Variants in DDX3X observed in about 807,000 individuals in gnomAD.
The protein encoded by DDX3X is DEAD-box helicase 3 X-linked, also known as ATP-dependent RNA helicase DDX3X.
Under a neutral mutation model 52.7 loss-of-function variants are expected in DDX3X, and 4 were observed. The observed-to-expected ratio is 0.08, with a 90% CI of 0.04 to 0.17. The LOEUF is 0.17. DDX3X is among the 10% of genes least tolerant of loss of function. The pLI is 1.00. For missense variants in DDX3X, 222 were observed against 548.6 expected, an observed-to-expected ratio of 0.40 and a Z score of 5.95; for synonymous variants, 192 against 178.1, an observed-to-expected ratio of 1.08 and a Z score of -0.62.
At chrX:41,355,764 A>T (rs1007492626) in intron 5 of DDX3X, among the ~76,000 whole-genome samples, 7 of 108,058 alleles carry the variant, frequency 6.5e-5, no homozygotes, top group Non-Finnish European at 1.3e-4. Context: ...GATTACAGGC[A>T]TGAGCCACCA....
At position 41,334,189 on chromosome X, in the gene DDX3X, C is replaced by T. The variant is rs1176481765; in HGVS notation, c.-64C>T. ...AGCCGCAGTTCTCCCGTGAGAGGGC[C>T]TTCGCGGTGGAACAAACACTCGCTT... On this transcript the variant is annotated 5_prime_UTR_variant, in exon 1 of 17. Coordinates refer to ENST00000644876, the MANE Select transcript of DDX3X (RefSeq NM_001356.5). 13 of 1,119,596 alleles carry T rather than the reference C, an allele frequency of 1.2e-5. No homozygotes were observed. Among genetic ancestry groups the T allele is most frequent in the African/African-American group, 9.0e-5 (5 of 55,767 alleles). 92.3% of individuals were successfully genotyped at this position (1,119,596 alleles called of 1,213,427 possible).
chrX:41,347,063 C>G lies in DDX3X; in HGVS notation c.1769+51C>G, dbSNP rs375120296. On this transcript the variant is annotated intron_variant, in intron 15 of 16. Transcript: ENST00000644876. ...GGGGAATGGGTGTTCACTTACAGTT[C>G]ATAGTGTTTCCTCTGCATGCATAAC... 15 of 1,116,751 alleles carry G rather than the reference C, an allele frequency of 1.3e-5. No homozygotes were observed. The African/African-American group carries it at 2.4e-4, about 18-fold the overall frequency. 92.0% of individuals were successfully genotyped at this position (1,116,751 alleles called of 1,213,427 possible).
chrX:41,354,604 A>G (rs772871128), downstream of DDX3X, among the ~76,000 whole-genome samples: 3 of 109,581 alleles, frequency 2.7e-5, no homozygotes, highest in Admixed American at 9.9e-5. Context: ...GATTACATGC[A>G]TGAGCCACAG....
chrX:41,337,678 T>C (rs2063791554), intron 2 of DDX3X: 1 of 339,447 alleles, frequency 2.9e-6, no homozygotes, highest in African/African-American at 2.7e-5. Context: ...GGAGCTTTGC[T>C]CTTGTTGCCC....
chrX:41,338,272 A>G (rs747539226), intron 2 of DDX3X: 1 of 111,082 alleles, frequency 9.0e-6, no homozygotes, highest in Non-Finnish European at 1.9e-5. Context: ...TTTTTAGGCA[A>G]GAACAGCTTC....
At chrX:41,339,951 CTG>C (rs2063826092) in intron 3 of DDX3X, 1 of 85,360 alleles carries the variant, frequency 1.2e-5, no homozygotes, top group Non-Finnish European at 2.1e-5. Flanking sequence ...CCTTGCTCTG[CTG>C]CGGAGGCTGG....
chrX:41,357,558 T>TA (rs983079642), intron 5 of DDX3X, among the ~76,000 whole-genome samples: 3 of 110,939 alleles, frequency 2.7e-5, no homozygotes, highest in African/African-American at 9.9e-5. Flanking sequence ...GCCTCCTGAA[T>TA]AGCTGGGACT....
At chrX:41,363,861 A>G (rs1431416766) in intron 5 of DDX3X, among the ~76,000 whole-genome samples, 2 of 111,732 alleles carry the variant, frequency 1.8e-5, no homozygotes, top group Non-Finnish European at 3.8e-5. Flanking sequence ...GAGGAAGCTC[A>G]GAGCCACCCT....
intron 1 of DDX3X, chrX:41,334,838 T>G: frequency 1.2e-6 from 1 of 814,104 alleles, no homozygotes; most frequent in South Asian, 2.6e-5. Context: ...GCCTCTTTTG[T>G]GTGGTGCTGG....
chrX:41,334,474 C>T, intron 1 of DDX3X, 177 bp downstream of exon 1: 3 of 1,099,998 alleles, frequency 2.7e-6, no homozygotes, highest in Admixed American at 6.6e-5. Context: ...GGGGCTGTCG[C>T]CCGGGCCCGG....
chrX:41,334,594 T>C (rs1002049232), intron 1 of DDX3X: 1 of 1,081,222 alleles, frequency 9.2e-7, no homozygotes, highest in Non-Finnish European at 1.2e-6. Flanking sequence ...GGGACGCGCA[T>C]GCGCGAATCC....
upstream of DDX3X, chrX:41,334,072 G>C (rs1452346718): frequency 2.2e-6 from 1 of 449,250 alleles, no homozygotes; most frequent in Non-Finnish European, 3.9e-6. Context: ...ACAGGGAATT[G>C]CGGTGTGAGA....
chrX:41,342,448 A>G lies in DDX3X; in HGVS notation c.285-47A>G, dbSNP rs779272285. 1.8e-4 allele frequency: 218 copies of G among 1,190,005 alleles called. 2 individuals are homozygous for G. In the South Asian group the frequency reaches 3.6e-3, roughly 19 times the overall value. On this transcript the variant is annotated intron_variant, in intron 4 of 16. Transcript: ENST00000644876. ...GTTCTAGAGTAGGGATAAGAATCTGATAATGGTTAAATGATATGATTCTGA... is the reference window on the plus strand; with the variant it reads ...GTTCTAGAGTAGGGATAAGAATCTGGTAATGGTTAAATGATATGATTCTGA...
chrX:41,356,454 C>CTTTT (rs760583439), intron 5 of DDX3X, among the ~76,000 whole-genome samples: 41 of 65,648 alleles, frequency 6.2e-4, no homozygotes, highest in African/African-American at 7.5e-4. Context: ...GCCAGTATTT[C>CTTTT]TTTTTTTTTT....
At chrX:41,354,510 G>A (rs2064000947), downstream of DDX3X, among the ~76,000 whole-genome samples, 2 of 108,610 alleles carry the variant, frequency 1.8e-5, no homozygotes, top group African/African-American at 6.7e-5. Context: ...TATTTGTAGA[G>A]ATGGGATCCC....
At position 41,339,868 on chromosome X, in the gene DDX3X, A is replaced by G. The variant is rs760589841; in HGVS notation, c.151+785A>G. The stretch of plus-strand genomic sequence containing the variant: ...CCTTCACTGTCCTGGCAATGCATGG[A>G]TATAAAATCTGTATTATTTCTACCA... On this transcript the variant is annotated intron_variant, in intron 3 of 16. Transcript: ENST00000644876. 1.1e-4 allele frequency: 12 copies of G among 106,124 alleles called. No homozygotes were observed. The East Asian group carries it at 1.9e-3, about 16-fold the overall frequency. The allele number at this position is 106,124 out of a possible 1,213,427, so 8.7% of individuals were successfully genotyped here.
intron 3 of DDX3X, 76 bp downstream of exon 3, chrX:41,339,159 G>T: frequency 3.8e-6 from 2 of 524,485 alleles, no homozygotes; most frequent in Non-Finnish European, 3.0e-6. Context: ...GGAAAACCAG[G>T]CATTTGGGGG....
At chrX:41,337,064 T>C (rs1426972691) in intron 1 of DDX3X, among the ~76,000 whole-genome samples, 1 of 112,429 alleles carries the variant, frequency 8.9e-6, no homozygotes, top group Non-Finnish European at 1.9e-5. Flanking sequence ...TGAGATTCAG[T>C]GTAAGCTTTA....
At chrX:41,364,209 C>T (rs1242840287) in intron 5 of DDX3X, 5 of 293,942 alleles carry the variant, frequency 1.7e-5, no homozygotes, top group Non-Finnish European at 2.4e-5. Context: ...GTCCATGGGG[C>T]GGGTGCCCCT....
Sources: gnomAD v4.1 joint callset for allele counts (sites outside exome capture counted in the v4.1 genomes callset) on GRCh38, gnomAD v4.1.1 for gene constraint, MANE v1.5 for transcripts, NCBI Gene and HGNC (gene_info 2026-07-23, HGNC 2026-07-21) for gene names.